Variants in NDUFV3 observed in about 807,000 individuals in gnomAD.
NDUFV3 encodes the protein NADH:ubiquinone oxidoreductase subunit V3.
In NDUFV3, 44 loss-of-function variants were observed where a neutral mutation model predicts 37.5. The ratio of observed to expected loss-of-function variants is 1.17; its 90% CI spans 0.92 to 1.51. NDUFV3 has a LOEUF of 1.51. Ranked by LOEUF, NDUFV3 falls within the 40% of genes most tolerant of loss-of-function variation. NDUFV3 has a pLI of 0.00. For synonymous variants in NDUFV3, 235 were observed against 239.3 expected (o/e 0.98, Z 0.17); for missense variants, 580 against 580.4 (o/e 1.00, Z 0.01).
Position 42,904,095 on chromosome 21 carries a change from A to C in NDUFV3, c.1083A>C (p.Glu361Asp). 6.2e-7 allele frequency: 1 copy of C among 1,614,216 alleles called. No homozygotes were observed. The highest frequency in any genetic ancestry group is 1.1e-5 in the South Asian group (1 of 91,088). Residue 361 changes from glutamate to aspartate, a missense_variant, in exon 3 of 4, where the codon GAA (glutamate) becomes GAC (aspartate). Transcript: ENST00000354250. ...RKETSGTQGI[E>D]GHLKGGQAIV... ...AAACCTCAGGGACGCAGGGAATAGA[A>C]GGCCACCTGAAGGGTGGACAGGCAA...
At position 42,904,165 on chromosome 21, in the gene NDUFV3, G is replaced by A. The variant is rs2058731300; in HGVS notation, c.1153G>A (p.Val385Ile). The stretch of plus-strand genomic sequence containing the variant: ...ACCAAGCAATTTGGAGACAGTTCCT[G>A]TTGAGAATAACCACGGTTTCCATGA... ...IPPSNLETVP[V>I]ENNHGFHEKT... The change falls in exon 3 of 4, where the codon GTT becomes ATT. Residue 385 changes from valine (V) to isoleucine (I), a missense_variant. Physicochemically the swap from Val to Ile is conservative, Grantham distance 29. Transcript: ENST00000354250. 1 of 1,614,238 alleles carries A rather than the reference G, an allele frequency of 6.2e-7. No homozygotes were observed. The highest frequency in any genetic ancestry group is 8.5e-7 in the Non-Finnish European group (1 of 1,180,040).
At chr21:42,898,374 C>G (rs560808352) in intron 2 of NDUFV3, among the ~76,000 whole-genome samples, 5 of 152,300 alleles carry the variant, frequency 3.3e-5, no homozygotes, top group African/African-American at 1.2e-4. Flanking sequence ...CCTCAAACTC[C>G]TGAGCTCAAG....
intron 3 of NDUFV3, 139 bp downstream of exon 3, chr21:42,904,415 A>G: frequency 2.6e-6 from 3 of 1,134,884 alleles, no homozygotes; most frequent in Non-Finnish European, 2.6e-6. Context: ...ACGCTGTCTC[A>G]GCCAGGCAGA....
At position 42,903,338 on chromosome 21, in the gene NDUFV3, A is replaced by G; in HGVS notation, c.326A>G (p.Asp109Gly). The G allele has an allele frequency of 6.2e-7, 1 of 1,614,202 alleles. No homozygotes were observed. The highest frequency in any genetic ancestry group is 8.5e-7 in the Non-Finnish European group (1 of 1,180,032). The change falls in exon 3 of 4, where the codon GAT becomes GGT. Residue 109 changes from aspartate (D) to glycine (G), a missense_variant. Physicochemically the swap from Asp to Gly is moderately conservative, Grantham distance 94. Transcript: ENST00000354250. ...PSPSGSVLFT[D>G]EGVPKFLSRK... ...CCCAGTGGCAGCGTGCTATTCACAG[A>G]TGAAGGGGTTCCGAAATTTTTGTCA...
intron 1 of NDUFV3, among the ~76,000 whole-genome samples, chr21:42,895,676 AAAG>A (rs1293019082): frequency 6.6e-6 from 1 of 151,772 alleles, no homozygotes; most frequent in Non-Finnish European, 1.5e-5. Context: ...AGAAAAGAAA[AAAG>A]AAGAAACGTG....
At position 42,909,158 on chromosome 21, in the gene NDUFV3, T is replaced by TG; in HGVS notation, c.*137_*138insG. The TG allele has an allele frequency of 1.3e-6, 1 of 782,088 alleles. No homozygotes were observed. 48.4% of individuals were successfully genotyped at this position (782,088 alleles called of 1,614,324 possible). A position where few individuals can be genotyped will look rare whatever the true frequency, so the allele number is the denominator to read the frequency against. Reference sequence around the variant, plus strand: ...TACCTTTTTTTTTTTTTTTTTTTTTTTGAGACAGGGTCTCACTCTGTCACC... The same window carrying TG: ...TACCTTTTTTTTTTTTTTTTTTTTTTGTGAGACAGGGTCTCACTCTGTCACC... On this transcript the variant is annotated 3_prime_UTR_variant, in exon 4 of 4. Transcript: ENST00000354250.
rs368794538 is a variant in NDUFV3, at chr21:42,909,014, G to A, written c.1415G>A (p.Arg472Gln). The A allele has an allele frequency of 6.4e-5, 103 of 1,613,318 alleles. No individual in the cohort carries two copies. The highest frequency in any genetic ancestry group is 8.6e-5 in the Non-Finnish European group (101 of 1,179,930). The stretch of plus-strand genomic sequence containing the variant: ...CCCTCCTCAGGCCGGGAGTCACCTC[G>A]ACACTGAGGGCCCTCGGTGTGAAGA... Reference protein sequence around the residue: ...PQPSSGRESPRH With the variant: ...PQPSSGRESPQH Residue 472 changes from arginine (R) to glutamine (Q), a missense_variant, in exon 4 of 4, where the codon CGA becomes CAA. Physicochemically the swap from Arg to Gln is conservative, Grantham distance 43. Coordinates refer to ENST00000354250, the MANE Select transcript of NDUFV3 (RefSeq NM_021075.4).
chr21:42,902,441 C>G (rs1182018975), intron 2 of NDUFV3, among the ~76,000 whole-genome samples: 44 of 152,122 alleles, frequency 2.9e-4, no homozygotes, highest in Admixed American at 2.9e-3. Flanking sequence ...ATGTTTCACA[C>G]CCTAACCCTT....
intron 1 of NDUFV3, among the ~76,000 whole-genome samples, chr21:42,895,848 T>C (rs1437840312): frequency 2.8e-4 from 42 of 152,106 alleles, no homozygotes; most frequent in African/African-American, 2.4e-5. Flanking sequence ...GTCCATAATA[T>C]ACATACATTA....
chr21:42,893,582 C>T (rs546240042), intron 1 of NDUFV3, among the ~76,000 whole-genome samples: 3 of 152,298 alleles, frequency 2.0e-5, no homozygotes, highest in Non-Finnish European at 2.9e-5. Flanking sequence ...TCCCGCGGTT[C>T]CCCCGAGCCG....
chr21:42,899,412 C>T (rs2058709185), intron 2 of NDUFV3, among the ~76,000 whole-genome samples: 1 of 151,788 alleles, frequency 6.6e-6, no homozygotes. Context: ...ACTGGGATTA[C>T]AGGCATGCAC....
intron 2 of NDUFV3, among the ~76,000 whole-genome samples, chr21:42,897,901 C>T (rs761358772): frequency 2.0e-5 from 3 of 152,176 alleles, no homozygotes; most frequent in South Asian, 4.2e-4. Flanking sequence ...TGGTCTTGAT[C>T]TCCTGACCTT....
Position 42,911,225 on chromosome 21 carries a change from G to T in NDUFV3, c.*2204G>T, listed in dbSNP as rs1049609336. ...GCCATTGCATTCAGTCTGGGTGACAGCGTGAGACTGCATCTCAAAAAAAAA... is the reference window on the plus strand; with the variant it reads ...GCCATTGCATTCAGTCTGGGTGACATCGTGAGACTGCATCTCAAAAAAAAA... On this transcript the variant is annotated 3_prime_UTR_variant, in exon 4 of 4. Transcript: ENST00000354250. 6.6e-6 allele frequency: 1 copy of T among 152,110 alleles called. No individual in the cohort carries two copies. The highest frequency in any genetic ancestry group is 2.4e-5 in the African/African-American group (1 of 41,410). The allele number at this position is 152,110 out of a possible 1,614,324, so 9.4% of individuals were successfully genotyped here.
chr21:42,907,161 CT>C (rs1302783671), intron 3 of NDUFV3, among the ~76,000 whole-genome samples: 1 of 152,154 alleles, frequency 6.6e-6, no homozygotes, highest in Non-Finnish European at 1.5e-5. Context: ...ACCAGTACTT[CT>C]TTTGCCTCAA....
intron 1 of NDUFV3, 27 bp from the exon 2 acceptor site, chr21:42,896,900 A>G: frequency 5.6e-6 from 9 of 1,603,174 alleles, no homozygotes; most frequent in Non-Finnish European, 7.7e-6. Context: ...TACTCTAAAC[A>G]TCCATATTCA....
intron 2 of NDUFV3, among the ~76,000 whole-genome samples, chr21:42,897,272 C>T (rs2058696649): frequency 1.3e-5 from 2 of 152,184 alleles, no homozygotes; most frequent in African/African-American, 4.8e-5. Context: ...AATGGTTTTT[C>T]CTGTATTTTC....
chr21:42,894,550 A>T (rs2058682405), intron 1 of NDUFV3, among the ~76,000 whole-genome samples: 1 of 63,354 alleles, frequency 1.6e-5, no homozygotes, highest in Non-Finnish European at 2.8e-5. Flanking sequence ...TATAATATAT[A>T]ATATATATAT....
intron 2 of NDUFV3, among the ~76,000 whole-genome samples, chr21:42,901,152 A>G (rs2058716341): frequency 6.6e-6 from 1 of 150,552 alleles, no homozygotes; most frequent in South Asian, 2.1e-4. Context: ...GTGGCTCAGT[A>G]AAAAAATAGG....
intron 3 of NDUFV3, among the ~76,000 whole-genome samples, chr21:42,906,357 C>A (rs2058741827): frequency 6.6e-6 from 1 of 152,100 alleles, no homozygotes; most frequent in Non-Finnish European, 1.5e-5. Context: ...CCGCCCCTTG[C>A]CTTATGTGCC....
Sources: gnomAD v4.1 joint callset for allele counts (sites outside exome capture counted in the v4.1 genomes callset) on GRCh38, gnomAD v4.1.1 for gene constraint, MANE v1.5 for transcripts, NCBI Gene and HGNC (gene_info 2026-07-23, HGNC 2026-07-21) for gene names.